The following PKHD1L1 variants were observed in gnomAD, a reference collection of about 807,000 sequenced individuals.
The protein encoded by PKHD1L1 is PKHD1 like 1, also known as fibrocystin-L.
A neutral mutation model predicts 462.9 loss-of-function variants in PKHD1L1; 434 were observed. That is an observed-to-expected ratio of 0.94 (90% CI 0.87 to 1.02). PKHD1L1 has a LOEUF of 1.02. Among genes scored for constraint, PKHD1L1 ranks in the 50% least tolerant of loss-of-function variants. The pLI, the probability that PKHD1L1 is intolerant of heterozygous loss-of-function variation, is 0.00. For missense variants in PKHD1L1, 5,202 were observed against 5,096.1 expected (o/e 1.02, Z -0.63); for synonymous variants, 1,781 against 1,750.0 (o/e 1.02, Z -0.44).
intron 2 of PKHD1L1, among the ~76,000 whole-genome samples, chr8:109,376,402 C>G (rs1284124531): frequency 6.6e-6 from 1 of 152,202 alleles, no homozygotes; most frequent in Non-Finnish European, 1.5e-5. Context: ...GTCTGTCACC[C>G]CTTTCTTTGA....
chr8:109,389,731 T>C (rs1262287671), intron 8 of PKHD1L1, among the ~76,000 whole-genome samples: 4 of 152,134 alleles, frequency 2.6e-5, no homozygotes, highest in African/African-American at 7.2e-5. Context: ...TTTTGCCATA[T>C]TGGTCAGGCT....
At chr8:109,446,598 CTTT>C (rs1290256992) in intron 38 of PKHD1L1, among the ~76,000 whole-genome samples, 1 of 152,122 alleles carries the variant, frequency 6.6e-6, no homozygotes, top group African/African-American at 2.4e-5. Context: ...TCGAAATCTT[CTTT>C]AATATGTCAA....
chr8:109,440,222 T>C (rs1815696848), intron 32 of PKHD1L1, among the ~76,000 whole-genome samples: 1 of 152,040 alleles, frequency 6.6e-6, no homozygotes, highest in African/African-American at 2.4e-5. Flanking sequence ...AATTAAAAAC[T>C]CTCTCATTGA....
At chr8:109,392,491 A>AC (rs1456719600) in intron 9 of PKHD1L1, among the ~76,000 whole-genome samples, 2 of 151,716 alleles carry the variant, frequency 1.3e-5, no homozygotes, top group Non-Finnish European at 2.9e-5. Context: ...TTATAATTCC[A>AC]CCCCCCACCC....
intron 39 of PKHD1L1, 116 bp downstream of exon 39, chr8:109,448,507 T>G: frequency 8.2e-6 from 10 of 1,217,474 alleles, no homozygotes; most frequent in Non-Finnish European, 1.1e-5. Flanking sequence ...GTGTTTTTTT[T>G]GTTTGTTTGG....
rs991594231 is a variant in PKHD1L1, at chr8:109,533,932, T to C, written c.*3842T>C. Among the ~76,000 whole-genome samples, 1 of 152,194 alleles carries C rather than the reference T, an allele frequency of 6.6e-6. No individual in the cohort carries two copies. The highest frequency in any genetic ancestry group is 1.9e-4 in the East Asian group (1 of 5,188). On this transcript the variant is annotated 3_prime_UTR_variant, in exon 78 of 78. Coordinates refer to ENST00000378402, the MANE Select transcript of PKHD1L1 (RefSeq NM_177531.6). The stretch of plus-strand genomic sequence containing the variant: ...CCCAGAGAGCTCAGCTGAAAGGAGT[T>C]TGGGTTCCTGACATTGTGGTGCCCT...
intron 43 of PKHD1L1, 85 bp downstream of exon 43, chr8:109,452,959 C>A (rs1816621894): frequency 8.8e-7 from 1 of 1,141,504 alleles, no homozygotes; most frequent in Non-Finnish European, 1.1e-6. Flanking sequence ...CAATTATGAA[C>A]AAACATAGTT....
chr8:109,518,233 T>C lies in PKHD1L1; in HGVS notation c.11756T>C (p.Met3919Thr). The change falls in exon 73 of 78, where the codon ATG (methionine) becomes ACG (threonine). Residue 3919 changes from methionine (M) to threonine (T), a missense_variant. Coordinates refer to ENST00000378402, the MANE Select transcript of PKHD1L1 (RefSeq NM_177531.6). Reference sequence around the variant, plus strand: ...AACTACTTTGATGGAACCTACCAGATGCTTTATCTTTTGGTTAAAGGAACT... The same window carrying C: ...AACTACTTTGATGGAACCTACCAGACGCTTTATCTTTTGGTTAAAGGAACT... ...GENYFDGTYQMLYLLVKGTIP... is the reference protein window; with the variant it reads ...GENYFDGTYQTLYLLVKGTIP... The C allele has an allele frequency of 6.2e-7, 1 of 1,611,168 alleles. No homozygotes were observed. The highest frequency in any genetic ancestry group is 8.5e-7 in the Non-Finnish European group (1 of 1,177,658).
intron 50 of PKHD1L1, chr8:109,470,328 A>T: frequency 1.3e-6 from 2 of 1,500,232 alleles, no homozygotes; most frequent in Non-Finnish European, 1.9e-6. Flanking sequence ...TAGATAACTT[A>T]GTTTGGAGAG....
chr8:109,423,734 A>G (rs1814593439), intron 23 of PKHD1L1, among the ~76,000 whole-genome samples: 1 of 152,144 alleles, frequency 6.6e-6, no homozygotes, highest in Non-Finnish European at 1.5e-5. Context: ...CCATTGTGAT[A>G]TTGAGTCTTC....
intron 50 of PKHD1L1, among the ~76,000 whole-genome samples, chr8:109,472,642 G>T (rs930136022): frequency 6.6e-6 from 1 of 151,892 alleles, no homozygotes; most frequent in Non-Finnish European, 1.5e-5. Context: ...GAATTAAATG[G>T]AATTAGTTGC....
chr8:109,520,196 A>C (rs1194537489), intron 73 of PKHD1L1, among the ~76,000 whole-genome samples: 2 of 152,092 alleles, frequency 1.3e-5, no homozygotes, highest in African/African-American at 4.8e-5. Context: ...CCAGAGTAAT[A>C]GTTAACTTTC....
intron 77 of PKHD1L1, among the ~76,000 whole-genome samples, chr8:109,528,979 GA>G (rs932245722): frequency 2.0e-4 from 30 of 151,760 alleles, no homozygotes; most frequent in East Asian, 1.7e-3. Flanking sequence ...ACACGTTAGT[GA>G]AAAAAAATCA....
chr8:109,494,496 C>T (rs1028796019), intron 63 of PKHD1L1, among the ~76,000 whole-genome samples: 15 of 151,756 alleles, frequency 9.9e-5, no homozygotes, highest in African/African-American at 3.6e-4. Flanking sequence ...CTTTGTGTCC[C>T]GCAATGGTAG....
At chr8:109,500,519 A>G (rs1326551513) in intron 67 of PKHD1L1, among the ~76,000 whole-genome samples, 5 of 105,198 alleles carry the variant, frequency 4.8e-5, no homozygotes, top group Non-Finnish European at 7.6e-5. Context: ...TACTAAAAAT[A>G]CAAAAAAAAA....
chr8:109,382,609 A>T (rs1406770598), intron 4 of PKHD1L1, 38 bp downstream of exon 4: 2 of 1,528,002 alleles, frequency 1.3e-6, no homozygotes, highest in South Asian at 2.4e-5. Flanking sequence ...TGTATAGTTG[A>T]TCTTGCTTTC....
rs116618272 is a variant in PKHD1L1 at position 109,479,572 on chromosome 8, T to G, written c.9111T>G (p.Phe3037Leu). 2 of 1,526,610 alleles carry G rather than the reference T, an allele frequency of 1.3e-6. No homozygotes were observed. The highest frequency in any genetic ancestry group is 4.6e-5 in the East Asian group (2 of 43,924). 94.6% of individuals were successfully genotyped at this position (1,526,610 alleles called of 1,614,324 possible). Residue 3037 changes from phenylalanine to leucine, a missense_variant, in exon 54 of 78, where the codon TTT becomes TTG. Phe to Leu is a conservative substitution (Grantham distance 22). Transcript: ENST00000378402. ...ATYNLWSNDS[F>L]WQSSRENNYT... Reference sequence around the variant, plus strand: ...TCAGTTTATGGTCAAATGATTCTTTTTGGCAATCATCACGAGAAAATAATT... The same window carrying G: ...TCAGTTTATGGTCAAATGATTCTTTGTGGCAATCATCACGAGAAAATAATT...
chr8:109,481,490 G>T lies in PKHD1L1; in HGVS notation c.9385G>T (p.Val3129Phe). The part of the protein sequence containing the change: ...DNPFKGDLKI[V>F]LRGNHTTQDW... The stretch of plus-strand genomic sequence containing the variant: ...CCCTTTTAAAGGAGACTTAAAGATT[G>T]TTCTTAGAGGAAATCATACTACACA... The change falls in exon 56 of 78, where the codon GTT (valine) becomes TTT (phenylalanine). Residue 3129 changes from valine to phenylalanine, a missense_variant. By Grantham distance (50) the Val-to-Phe change is conservative. This residue lies in a region of PKHD1L1 where 4,497 missense variants were observed against 4,336.8 expected (regional missense o/e 1.04). Coordinates refer to ENST00000378402, the MANE Select transcript of PKHD1L1 (RefSeq NM_177531.6). 1.3e-6 allele frequency: 2 copies of T among 1,597,890 alleles called. No homozygotes were observed. Among genetic ancestry groups the T allele is most frequent in the Non-Finnish European group, 1.7e-6 (2 of 1,171,286 alleles).
chr8:109,377,989 GTC>G (rs1563718580), intron 2 of PKHD1L1, among the ~76,000 whole-genome samples: 1 of 151,840 alleles, frequency 6.6e-6, no homozygotes. Flanking sequence ...TTACCCTTTT[GTC>G]TCTTTCTGTT....
Sources: allele counts gnomAD v4.1 joint callset (sites outside exome capture counted in the v4.1 genomes callset), GRCh38; gene constraint gnomAD v4.1.1; regional missense constraint gnomAD v4.1.1; transcripts MANE v1.5; gene names NCBI Gene and HGNC (gene_info 2026-07-23, HGNC 2026-07-21).